LYSMD1: variants seen among roughly 807,000 people sequenced by gnomAD.
The protein encoded by LYSMD1 is lysM and putative peptidoglycan-binding domain-containing protein 1.
A neutral mutation model predicts 19.3 loss-of-function variants in LYSMD1; 9 were observed. That is an observed-to-expected ratio of 0.47 (90% CI 0.28 to 0.81). LYSMD1 has a LOEUF of 0.81. LYSMD1 is among the 40% of genes least tolerant of loss of function. The pLI is 0.11. For missense variants in LYSMD1, 262 were observed against 279.8 expected, an observed-to-expected ratio of 0.94 and a Z score of 0.45; for synonymous variants, 111 against 111.7, an observed-to-expected ratio of 0.99 and a Z score of 0.04.
At chr1:151,155,511 G>T (rs1295554993), downstream of LYSMD1, among the ~76,000 whole-genome samples, 1 of 152,024 alleles carries the variant, frequency 6.6e-6, no homozygotes, top group African/African-American at 2.4e-5. Flanking sequence ...TAAGGTAGGA[G>T]GATTGCTTGA....
At chr1:151,162,724 A>T (rs1683496654) in intron 1 of LYSMD1, among the ~76,000 whole-genome samples, 1 of 152,202 alleles carries the variant, frequency 6.6e-6, no homozygotes, top group Admixed American at 6.5e-5. Context: ...TGTCATCCTT[A>T]ACTAATACTT....
chr1:151,159,119 G>A (rs2101683288), downstream of LYSMD1: 1 of 1,614,140 alleles, frequency 6.2e-7, no homozygotes, highest in Non-Finnish European at 8.5e-7. Context: ...AAGTCACATG[G>A]CCGCATCCGC....
the LYSMD1 span, among the ~76,000 whole-genome samples, chr1:151,153,443 A>G: frequency 1.3e-5 from 2 of 152,026 alleles, no homozygotes; most frequent in Non-Finnish European, 2.9e-5. Context: ...TCACAAGGTC[A>G]GGAGTTCGAG....
chr1:151,165,076 C>G lies in LYSMD1; in HGVS notation c.180+3G>C. 6.2e-7 allele frequency: 1 copy of G among 1,612,896 alleles called. No individual in the cohort carries two copies. Among genetic ancestry groups the G allele is most frequent in the South Asian group, 1.1e-5 (1 of 90,978 alleles). On this transcript the variant is annotated splice_donor_region_variant and intron_variant, in intron 1 of 2. Transcript: ENST00000368908. ...GTCTTCACCCCAATCCTGGAAAACT[C>G]ACCGTCACCCCATATTTGAGTGCTA... is the stretch of plus-strand genomic sequence containing the variant.
At chr1:151,158,449 C>T (rs587743875), downstream of LYSMD1, among the ~76,000 whole-genome samples, 7 of 152,140 alleles carry the variant, frequency 4.6e-5, no homozygotes, top group South Asian at 2.1e-4. Context: ...TTCCTCCAGC[C>T]GGGGCTATCG....
At chr1:151,158,111 T>C (rs1007857188), downstream of LYSMD1, among the ~76,000 whole-genome samples, 1 of 151,764 alleles carries the variant, frequency 6.6e-6, no homozygotes, top group African/African-American at 2.4e-5. Context: ...GATCATGAGG[T>C]CAGGAGTTCG....
rs11317772 is a variant in LYSMD1, at chr1:151,161,496, C to CA, written c.545+239dup. On this transcript the variant is annotated intron_variant, in intron 2 of 2. Coordinates refer to ENST00000368908, the MANE Select transcript of LYSMD1 (RefSeq NM_212551.5). Reference sequence around the variant, plus strand: ...TGGGCAACAGAGCAAGACCCCGTCTCAAAAAAAAAAAAAAATAGTTAACTG... The same window carrying CA: ...TGGGCAACAGAGCAAGACCCCGTCTCAAAAAAAAAAAAAAAATAGTTAACTG... Among the ~76,000 whole-genome samples, 964 of 128,760 alleles carry CA rather than the reference C, an allele frequency of 7.5e-3. 2 individuals are homozygous for CA. Among genetic ancestry groups the CA allele is most frequent in the African/African-American group, 0.022 (788 of 36,374 alleles). 84.5% of individuals were successfully genotyped at this position (128,760 alleles called of 152,430 possible). A position where few individuals can be genotyped will look rare whatever the true frequency, so the allele number is the denominator to read the frequency against.
At position 151,165,291 on chromosome 1, in the gene LYSMD1, T is replaced by G. The variant is rs1207984031; in HGVS notation, c.-33A>C. ...CCCTGCCAACAGCTAAGGTTGCAAC[T>G]AGGGGAGGTACGACCGAGACTGCGA... On this transcript the variant is annotated 5_prime_UTR_variant, in exon 1 of 3. Transcript: ENST00000368908. The G allele has an allele frequency of 2.5e-6, 4 of 1,597,706 alleles. No individual in the cohort carries two copies. The highest frequency in any genetic ancestry group is 3.4e-6 in the Non-Finnish European group (4 of 1,170,576).
downstream of LYSMD1, chr1:151,158,593 G>A: frequency 4.4e-6 from 5 of 1,125,510 alleles, no homozygotes; most frequent in Non-Finnish European, 6.3e-6. Flanking sequence ...TGATGACATG[G>A]AAACTAAAGA....
At position 151,164,946 on chromosome 1, in the gene LYSMD1, CAAAGAT is replaced by C. The variant is rs2101695592; in HGVS notation, c.180+127_180+132del. On this transcript the variant is annotated intron_variant, in intron 1 of 2. Coordinates refer to ENST00000368908, the MANE Select transcript of LYSMD1 (RefSeq NM_212551.5). Reference sequence around the variant, plus strand: ...CTTGTGCAACACTGTGATGGGAAAACAAAGATAAAGGCAGAACAGAGTGCAACACAT... The same window carrying C: ...CTTGTGCAACACTGTGATGGGAAAACAAAGGCAGAACAGAGTGCAACACAT... 3.4e-5 allele frequency: 25 copies of C among 743,706 alleles called. No individual in the cohort carries two copies. In the South Asian group the frequency reaches 4.7e-4, roughly 14 times the overall value. The allele number at this position is 743,706 out of a possible 1,614,324, so 46.1% of individuals were successfully genotyped here.
chr1:151,162,253 T>A (rs1267983520), intron 1 of LYSMD1, among the ~76,000 whole-genome samples, 153 bp from the exon 2 acceptor site: 1 of 152,064 alleles, frequency 6.6e-6, no homozygotes, highest in Non-Finnish European at 1.5e-5. Context: ...TATAGATGAG[T>A]GGTTTTCACA....
downstream of LYSMD1, chr1:151,158,815 G>A (rs765304115): frequency 1.2e-6 from 2 of 1,614,172 alleles, no homozygotes; most frequent in Non-Finnish European, 8.5e-7. Flanking sequence ...TGAGGTGCTA[G>A]ATGAGCTCTA....
intron 1 of LYSMD1, among the ~76,000 whole-genome samples, chr1:151,164,260 C>G (rs1683571901): frequency 6.6e-6 from 1 of 151,780 alleles, no homozygotes; most frequent in Admixed American, 6.6e-5. Context: ...ATTTGTGTCC[C>G]TGTTCATTTC....
At chr1:151,154,708 C>T in the LYSMD1 span, among the ~76,000 whole-genome samples, 12 of 152,124 alleles carry the variant, frequency 7.9e-5, 1 homozygote, top group Middle Eastern at 6.8e-3. Context: ...GGCAGAGGCG[C>T]GATCTCGGCT....
chr1:151,158,897 C>T, downstream of LYSMD1: 1 of 1,614,204 alleles, frequency 6.2e-7, no homozygotes, highest in East Asian at 2.2e-5. Flanking sequence ...ATCAAAGTGG[C>T]CATCAAGGTG....
In LYSMD1 at chr1:151,165,319, G is replaced by C; in HGVS notation, c.-61C>G. On this transcript the variant is annotated 5_prime_UTR_variant, in exon 1 of 3. Transcript: ENST00000368908. ...GGGAGGTACGACCGAGACTGCGACT[G>C]ACAGGCCTGAAGTCTGGGAATGAAT... 2 of 1,573,608 alleles carry C rather than the reference G, an allele frequency of 1.3e-6. No individual in the cohort carries two copies. The highest frequency in any genetic ancestry group is 8.6e-7 in the Non-Finnish European group (1 of 1,158,842).
downstream of LYSMD1, chr1:151,158,958 T>G: frequency 6.2e-7 from 1 of 1,614,278 alleles, no homozygotes; most frequent in Non-Finnish European, 8.5e-7. Context: ...TGGCCCTGGC[T>G]ACCCGCTTTC....
Position 151,160,714 on chromosome 1 carries a change from A to T in LYSMD1, c.*168T>A. ...GTTCCCATTCCCTAATCTTGCCAAT[A>T]AAACTGCCCCAGGCCAAGGAATTTT... On this transcript the variant is annotated 3_prime_UTR_variant, in exon 3 of 3. Transcript: ENST00000368908. The T allele has an allele frequency of 1.4e-6, 1 of 724,958 alleles. No individual in the cohort carries two copies. Among genetic ancestry groups the T allele is most frequent in the Non-Finnish European group, 2.2e-6 (1 of 458,686 alleles). 44.9% of individuals were successfully genotyped at this position (724,958 alleles called of 1,614,324 possible). A position where few individuals can be genotyped will look rare whatever the true frequency, so the allele number is the denominator to read the frequency against.
chr1:151,155,607 T>C (rs587748455), downstream of LYSMD1, among the ~76,000 whole-genome samples: 1 of 152,198 alleles, frequency 6.6e-6, no homozygotes, highest in African/African-American at 2.4e-5. Context: ...TCCCAGCTAC[T>C]TGGGAGGCTG....
Sources: gnomAD v4.1 joint callset for allele counts (sites outside exome capture counted in the v4.1 genomes callset) on GRCh38, gnomAD v4.1.1 for gene constraint, MANE v1.5 for transcripts, NCBI Gene and HGNC (gene_info 2026-07-23, HGNC 2026-07-21) for gene names.